PKD2L2: variants seen among roughly 807,000 people sequenced by gnomAD.
PKD2L2 encodes polycystin 2 like 2, transient receptor potential cation channel.
Under a neutral mutation model 83.9 loss-of-function variants are expected in PKD2L2, and 67 were observed. The observed-to-expected ratio is 0.80, with a 90% CI of 0.66 to 0.98. The LOEUF (loss-of-function observed/expected upper bound fraction) is 0.98. Ranked by LOEUF, PKD2L2 falls within the 50% of genes least tolerant of loss-of-function variation. PKD2L2 has a pLI of 0.00. For missense variants in PKD2L2, 632 were observed against 717.2 expected, an observed-to-expected ratio of 0.88 and a Z score of 1.36; for synonymous variants, 223 against 237.8, an observed-to-expected ratio of 0.94 and a Z score of 0.57.
At chr5:137,935,979 C>T in intron 13 of PKD2L2, 70 bp downstream of exon 13, 1 of 884,922 alleles carries the variant, frequency 1.1e-6, no homozygotes, top group Non-Finnish European at 1.8e-6. Flanking sequence ...GAGTTAAACA[C>T]ATTATTTTCC....
chr5:137,908,264 C>T (rs1287287835), intron 7 of PKD2L2, among the ~76,000 whole-genome samples: 1 of 151,626 alleles, frequency 6.6e-6, no homozygotes, highest in African/African-American at 2.4e-5. Flanking sequence ...AGCTGTAATC[C>T]CCCACTGCAC....
chr5:137,936,213 A>C, intron 13 of PKD2L2, 107 bp from the exon 14 acceptor site: 1 of 949,720 alleles, frequency 1.1e-6, no homozygotes, highest in Non-Finnish European at 1.6e-6. Context: ...GGCATGTTTT[A>C]GGAGCTTACA....
chr5:137,909,021 A>T (rs2150023445), intron 8 of PKD2L2, 75 bp downstream of exon 8: 1 of 766,852 alleles, frequency 1.3e-6, no homozygotes, highest in Admixed American at 2.8e-5. Context: ...CTAACCTTCT[A>T]TGATAAGTAG....
chr5:137,932,348 CAA>C (rs533671829), intron 12 of PKD2L2, among the ~76,000 whole-genome samples: 3 of 136,676 alleles, frequency 2.2e-5, no homozygotes, highest in Non-Finnish European at 1.6e-5. Context: ...AACTCTGTCT[CAA>C]AAAAAAAAAG....
At chr5:137,924,201 T>A (rs1207927539) in intron 10 of PKD2L2, among the ~76,000 whole-genome samples, 2 of 152,180 alleles carry the variant, frequency 1.3e-5, no homozygotes, top group Non-Finnish European at 2.9e-5. Context: ...GTTTCCCTAA[T>A]CCTGTCAAGT....
Position 137,907,734 on chromosome 5 carries a change from C to T in PKD2L2, c.976-8C>T. Reference sequence around the variant, plus strand: ...CTCTAATTTAACCCTTCTTATTTTCCCATTTAGTTGTGTTTTGTGGCTGTT... The same window carrying T: ...CTCTAATTTAACCCTTCTTATTTTCTCATTTAGTTGTGTTTTGTGGCTGTT... On this transcript the variant is annotated splice_polypyrimidine_tract_variant and splice_region_variant and intron_variant, in intron 6 of 14. Transcript: ENST00000508883. 3 of 1,445,456 alleles carry T rather than the reference C, an allele frequency of 2.1e-6. No individual in the cohort carries two copies. Among genetic ancestry groups the T allele is most frequent in the Non-Finnish European group, 2.8e-6 (3 of 1,082,884 alleles). 89.5% of individuals were successfully genotyped at this position (1,445,456 alleles called of 1,614,324 possible).
chr5:137,925,628 T>C (rs1446854408), intron 11 of PKD2L2, among the ~76,000 whole-genome samples: 1 of 152,250 alleles, frequency 6.6e-6, no homozygotes, highest in Non-Finnish European at 1.5e-5. Flanking sequence ...CTTGTATTTA[T>C]TAAATGACTT....
At chr5:137,940,538 G>C (rs1254151899) in intron 14 of PKD2L2, 3 of 542,340 alleles carry the variant, frequency 5.5e-6, no homozygotes, top group Non-Finnish European at 9.6e-6. Flanking sequence ...ATTTTTGATG[G>C]ACTTCTCTAC....
At chr5:137,889,621 T>G (rs1271518358) in intron 1 of PKD2L2, 99 bp downstream of exon 1, 2 of 1,066,516 alleles carry the variant, frequency 1.9e-6, no homozygotes, top group East Asian at 3.0e-5. Flanking sequence ...TTGAGAGATG[T>G]GACTGCCGAC....
chr5:137,920,618 G>A (rs890869750), intron 8 of PKD2L2, among the ~76,000 whole-genome samples: 13 of 152,006 alleles, frequency 8.6e-5, no homozygotes, highest in African/African-American at 2.2e-4. Context: ...TTAGCTGGGC[G>A]TGGTGGCACA....
rs776155926 is a variant in PKD2L2 at position 137,921,650 on chromosome 5, G to A, written c.1343G>A (p.Arg448Gln). The stretch of plus-strand genomic sequence containing the variant: ...CTTTCTTAAAGATTTGCACAATTTC[G>A]AATTGTTCTTGGAGATTTTAATTTT... Reference protein sequence around the residue: ...TFQNSIFAQFRIVLGDFNFAG... With the variant: ...TFQNSIFAQFQIVLGDFNFAG... Residue 448 changes from arginine to glutamine, a missense_variant, in exon 9 of 15, where the codon CGA (arginine) becomes CAA (glutamine). This residue lies in a region of PKD2L2 where 399 missense variants were observed against 416.9 expected (regional missense o/e 0.96). Coordinates refer to ENST00000508883, the MANE Select transcript of PKD2L2 (RefSeq NM_001300921.2). The A allele has an allele frequency of 6.3e-6, 10 of 1,589,900 alleles. No individual in the cohort carries two copies. The highest frequency in any genetic ancestry group is 4.1e-5 in the African/African-American group (3 of 73,984).
Position 137,899,509 on chromosome 5 carries a change from G to T in PKD2L2, c.525-7G>T. On this transcript the variant is annotated splice_polypyrimidine_tract_variant and splice_region_variant and intron_variant, in intron 4 of 14. Transcript: ENST00000508883. ...CATTTCACCATTATTCTTTTTATGT[G>T]TAACAGATGGAGATATTCTACTTCT... is the stretch of plus-strand genomic sequence containing the variant. 2.0e-6 allele frequency: 3 copies of T among 1,515,610 alleles called. No individual in the cohort carries two copies. Among genetic ancestry groups the T allele is most frequent in the East Asian group, 2.3e-5 (1 of 44,400 alleles). The allele number at this position is 1,515,610 out of a possible 1,614,324, so 93.9% of individuals were successfully genotyped here. A position where few individuals can be genotyped will look rare whatever the true frequency, so the allele number is the denominator to read the frequency against.
chr5:137,933,961 C>A (rs1390298143), intron 12 of PKD2L2, among the ~76,000 whole-genome samples: 1 of 152,166 alleles, frequency 6.6e-6, no homozygotes, highest in Non-Finnish European at 1.5e-5. Flanking sequence ...TGGAAGCATG[C>A]AATCTATGAG....
Position 137,890,564 on chromosome 5 carries a change from T to C in PKD2L2, c.115T>C (p.Leu39=). The C allele has an allele frequency of 6.9e-7, 1 of 1,444,698 alleles. No individual in the cohort carries two copies. Among genetic ancestry groups the C allele is most frequent in the Non-Finnish European group, 9.6e-7 (1 of 1,038,964 alleles). The allele number at this position is 1,444,698 out of a possible 1,614,324, so 89.5% of individuals were successfully genotyped here. A position where few individuals can be genotyped will look rare whatever the true frequency, so the allele number is the denominator to read the frequency against. The change falls in exon 2 of 15, where the codon TTA becomes CTA. Residue 39 remains leucine, a synonymous_variant. Transcript: ENST00000508883. The part of the protein sequence containing the change: ...LQELLLYFIF[L]INLCILTFGM... Reference sequence around the variant, plus strand: ...GGAATTGTTACTCTACTTTATTTTTTTAATAAACCTATGTATATGTAAGTA... The same window carrying C: ...GGAATTGTTACTCTACTTTATTTTTCTAATAAACCTATGTATATGTAAGTA...
At chr5:137,937,306 T>G (rs948302511) in intron 14 of PKD2L2, among the ~76,000 whole-genome samples, 3 of 152,190 alleles carry the variant, frequency 2.0e-5, no homozygotes, top group African/African-American at 7.2e-5. Context: ...GAAATTTACC[T>G]AGACCATTTC....
At chr5:137,920,749 C>T (rs1461196357) in intron 8 of PKD2L2, among the ~76,000 whole-genome samples, 6 of 109,840 alleles carry the variant, frequency 5.5e-5, no homozygotes, top group Admixed American at 5.3e-4. Context: ...AAGAGCGAAA[C>T]TCCATCTAAA....
chr5:137,912,576 A>C (rs959979672), intron 8 of PKD2L2, among the ~76,000 whole-genome samples: 6 of 151,954 alleles, frequency 3.9e-5, no homozygotes, highest in African/African-American at 1.5e-4. Flanking sequence ...CATGTTAGCC[A>C]GGCTGGTCTC....
chr5:137,935,261 G>T (rs1333845856), intron 12 of PKD2L2, among the ~76,000 whole-genome samples: 1 of 152,150 alleles, frequency 6.6e-6, no homozygotes, highest in Non-Finnish European at 1.5e-5. Flanking sequence ...TGCACAGGAA[G>T]GTTCAGCAAT....
chr5:137,920,973 C>T (rs1758844091), intron 8 of PKD2L2, among the ~76,000 whole-genome samples: 1 of 152,094 alleles, frequency 6.6e-6, no homozygotes, highest in Non-Finnish European at 1.5e-5. Flanking sequence ...CTTGTTGAAC[C>T]AATTCAAAGT....
Sources: gnomAD v4.1 joint callset for allele counts (sites outside exome capture counted in the v4.1 genomes callset) on GRCh38, gnomAD v4.1.1 for gene constraint, gnomAD v4.1.1 regional missense constraint, MANE v1.5 for transcripts, NCBI Gene and HGNC (gene_info 2026-07-23, HGNC 2026-07-21) for gene names.